The following HECW2 variants were observed in gnomAD, a reference collection of about 807,000 sequenced individuals.
The protein encoded by HECW2 is E3 ubiquitin-protein ligase HECW2.
A neutral mutation model predicts 175.2 loss-of-function variants in HECW2; 61 were observed. The ratio of observed to expected loss-of-function variants is 0.35; its 90% CI spans 0.28 to 0.43. The LOEUF is 0.43. Ranked by LOEUF, HECW2 falls within the 20% of genes least tolerant of loss-of-function variation. The pLI is 1.00. For synonymous variants in HECW2, 671 were observed against 731.0 expected (o/e 0.92, Z 1.32); for missense variants, 1,524 against 2,000.5 (o/e 0.76, Z 4.54).
intron 2 of HECW2, among the ~76,000 whole-genome samples, chr2:196,391,070 G>A (rs115316927): frequency 1.3e-5 from 2 of 152,240 alleles, no homozygotes; most frequent in South Asian, 4.1e-4. Flanking sequence ...ATTTGCAAGT[G>A]GATTTAGTCA....
intron 21 of HECW2, among the ~76,000 whole-genome samples, chr2:196,229,936 A>C (rs1028286054): frequency 1.3e-5 from 2 of 152,220 alleles, no homozygotes; most frequent in Non-Finnish European, 2.9e-5. Flanking sequence ...TAAAATAAAA[A>C]AGTCAGTCTT....
Position 196,364,143 on chromosome 2 carries a change from A to C in HECW2, c.293-20379T>G, listed in dbSNP as rs148146391. 6.6e-3 allele frequency among the ~76,000 whole-genome samples: 1,001 copies of C among 152,324 alleles called. 8 individuals are homozygous for C. Among genetic ancestry groups the C allele is most frequent in the Middle Eastern group, 0.02 (6 of 294 alleles). On this transcript the variant is annotated intron_variant, in intron 2 of 28. Coordinates refer to ENST00000644978, the MANE Select transcript of HECW2 (RefSeq NM_001348768.2). ...CTCCTATAACTCTGGTCCTCCAAGC[A>C]ATGATTCTTTGCCTTCCAAATACCA...
chr2:196,540,925 A>T (rs1689190871), intron 1 of HECW2, among the ~76,000 whole-genome samples: 1 of 152,234 alleles, frequency 6.6e-6, no homozygotes, highest in Admixed American at 6.5e-5. Flanking sequence ...AACTAGAAAG[A>T]AAAAACAAAG....
rs1167798169 is a variant in HECW2 at position 196,433,337 on chromosome 2, C to A, written c.87G>T (p.Gln29His). ...GCATGGAGCTCTGGGCGGCAAGGCT[C>A]TGGAGGTTCTCTGGGCTCAATGTGT... is the stretch of plus-strand genomic sequence containing the variant. ...MRYTLSPENL[Q>H]SLAAQSSMPE... Residue 29 changes from glutamine to histidine, a missense_variant, in exon 2 of 29, where the codon CAG becomes CAT. Physicochemically the swap from Gln to His is conservative, Grantham distance 24 (BLOSUM62 0). Transcript: ENST00000644978. The A allele has an allele frequency of 6.2e-7, 1 of 1,614,142 alleles. No homozygotes were observed. The highest frequency in any genetic ancestry group is 1.1e-5 in the South Asian group (1 of 91,082).
chr2:196,592,918 C>G (rs1423959896), intron 1 of HECW2: 1 of 151,138 alleles, frequency 6.6e-6, no homozygotes, highest in Non-Finnish European at 1.5e-5. Context: ...CCGGGGGCGC[C>G]GCCGCGCGTT....
At chr2:196,568,571 A>C (rs1690262607) in intron 1 of HECW2, among the ~76,000 whole-genome samples, 1 of 152,178 alleles carries the variant, frequency 6.6e-6, no homozygotes, top group African/African-American at 2.4e-5. Context: ...TTTGACTTAC[A>C]ATTTTTCAGC....
At chr2:196,239,134 C>T (rs1688358633) in intron 21 of HECW2, 1 of 152,242 alleles carries the variant, frequency 6.6e-6, no homozygotes, top group Admixed American at 6.5e-5. Flanking sequence ...AGTGAGAAGT[C>T]CACTTATGCA....
intron 3 of HECW2, among the ~76,000 whole-genome samples, chr2:196,336,873 G>A (rs1354041522): frequency 2.6e-5 from 4 of 151,658 alleles, no homozygotes; most frequent in Non-Finnish European, 4.4e-5. Context: ...GCTGTGTGTC[G>A]CAGGAACAAA....
At chr2:196,292,496 GGCCAAGTGTCGAAGCCACAAGCA>G in intron 14 of HECW2, 46 bp downstream of exon 14, 1 of 1,361,476 alleles carries the variant, frequency 7.3e-7, no homozygotes, top group East Asian at 2.3e-5. Flanking sequence ...TGAAGGGTAG[GGCCAAGTGTCGAAGCCACAAGCA>G]GCCCACAGGC....
At chr2:196,301,164 A>C (rs111925907) in intron 13 of HECW2, among the ~76,000 whole-genome samples, 1 of 145,494 alleles carries the variant, frequency 6.9e-6, no homozygotes, top group Non-Finnish European at 1.5e-5. Context: ...TGCTGAGAAT[A>C]ATAGCTTCCA....
chr2:196,398,526 T>C (rs576160172), intron 2 of HECW2, among the ~76,000 whole-genome samples: 145 of 152,276 alleles, frequency 9.5e-4, no homozygotes, highest in African/African-American at 3.3e-3. Flanking sequence ...TATCCCAAGA[T>C]GCCTTGTTTT....
At chr2:196,273,049 A>ATTTT (rs778348590) in intron 16 of HECW2, among the ~76,000 whole-genome samples, 4 of 113,118 alleles carry the variant, frequency 3.5e-5, no homozygotes, top group South Asian at 5.6e-4. Flanking sequence ...AGCTGGTCTA[A>ATTTT]TTTTTTTTTT....
chr2:196,424,783 A>G (rs1368165395), intron 2 of HECW2, among the ~76,000 whole-genome samples: 2 of 152,152 alleles, frequency 1.3e-5, no homozygotes, highest in African/African-American at 4.8e-5. Flanking sequence ...CTATAGCATA[A>G]AAGTACAAAG....
chr2:196,368,496 T>C (rs1187581922), intron 2 of HECW2, among the ~76,000 whole-genome samples: 1 of 152,206 alleles, frequency 6.6e-6, no homozygotes, highest in Non-Finnish European at 1.5e-5. Flanking sequence ...TATAACCTTC[T>C]TGTATTTGAA....
In HECW2 at chr2:196,575,080, C is replaced by CAAAAA. The variant is rs1164886570; in HGVS notation, c.-36+18423_-36+18427dup. ...TGGGTAACAGAGCAAGGCCTTGTCT[C>CAAAAA]AAAAAAAAAAAAAAAAAAAAAAAAA... On this transcript the variant is annotated intron_variant, in intron 1 of 28. Coordinates refer to ENST00000644978, the MANE Select transcript of HECW2 (RefSeq NM_001348768.2). 4.0e-3 allele frequency among the ~76,000 whole-genome samples: 120 copies of CAAAAA among 29,854 alleles called. 9 individuals carry two copies. Among genetic ancestry groups the CAAAAA allele is most frequent in the African/African-American group, 0.017 (110 of 6,428 alleles). 19.6% of individuals were successfully genotyped at this position (29,854 alleles called of 152,430 possible). A position where few individuals can be genotyped will look rare whatever the true frequency, so the allele number is the denominator to read the frequency against.
chr2:196,441,578 A>G (rs1033285674), intron 1 of HECW2, among the ~76,000 whole-genome samples: 3 of 152,184 alleles, frequency 2.0e-5, no homozygotes, highest in Admixed American at 6.6e-5. Context: ...AGCAAGGCCA[A>G]TTGGCATCTG....
chr2:196,342,366 T>C (rs1220738026), intron 3 of HECW2, among the ~76,000 whole-genome samples: 1 of 149,196 alleles, frequency 6.7e-6, no homozygotes, highest in Non-Finnish European at 1.5e-5. Context: ...ATTGCGCCAT[T>C]GTACTCCAGC....
At chr2:196,514,315 A>C (rs556207708) in intron 1 of HECW2, among the ~76,000 whole-genome samples, 1 of 152,332 alleles carries the variant, frequency 6.6e-6, no homozygotes, top group Non-Finnish European at 1.5e-5. Context: ...TAGTCTGTAA[A>C]GTTCCCTTCA....
At chr2:196,376,563 G>A (rs1323421446) in intron 2 of HECW2, among the ~76,000 whole-genome samples, 4 of 151,022 alleles carry the variant, frequency 2.6e-5, no homozygotes, top group Non-Finnish European at 1.5e-5. Context: ...CCAGGGAGGC[G>A]GCCATTGCAG....
Sources: gnomAD v4.1 joint callset for allele counts (sites outside exome capture counted in the v4.1 genomes callset) on GRCh38, gnomAD v4.1.1 for gene constraint, MANE v1.5 for transcripts, NCBI Gene and HGNC (gene_info 2026-07-23, HGNC 2026-07-21) for gene names.